KIF17: variants seen among roughly 807,000 people sequenced by gnomAD.
KIF17 encodes the protein kinesin-like protein KIF17.
KIF17 carries 80 observed loss-of-function variants against 96.8 expected under a neutral mutation model. The ratio of observed to expected loss-of-function variants is 0.83; its 90% CI spans 0.69 to 1.00. The LOEUF (loss-of-function observed/expected upper bound fraction) is 1.00. KIF17 is among the 50% of genes least tolerant of loss of function. The pLI is 0.00. For synonymous variants in KIF17, 567 were observed against 587.5 expected (o/e 0.97, Z 0.51); for missense variants, 1,280 against 1,372.9 (o/e 0.93, Z 1.07).
chr1:20,667,250 G>T (rs1207285060), intron 13 of KIF17, among the ~76,000 whole-genome samples: 2 of 152,132 alleles, frequency 1.3e-5, no homozygotes, highest in African/African-American at 2.4e-5. Context: ...GGTGGCATTA[G>T]ATTCTCATAG....
chr1:20,670,806 G>A (rs1178282347), intron 12 of KIF17, among the ~76,000 whole-genome samples: 1 of 152,122 alleles, frequency 6.6e-6, no homozygotes, highest in Non-Finnish European at 1.5e-5. Flanking sequence ...CAGCAGGGAT[G>A]GTGTCAATAA....
At chr1:20,677,748 C>T (rs953464832) in intron 11 of KIF17, among the ~76,000 whole-genome samples, 4 of 152,108 alleles carry the variant, frequency 2.6e-5, no homozygotes, top group Admixed American at 6.5e-5. Context: ...CCCAGCTACT[C>T]GGGAGGCTGA....
At chr1:20,675,425 G>A (rs1323591004) in intron 11 of KIF17, among the ~76,000 whole-genome samples, 2 of 150,226 alleles carry the variant, frequency 1.3e-5, no homozygotes, top group Non-Finnish European at 3.0e-5. Context: ...TCCAGCCTGG[G>A]CGACAAAGCG....
intron 13 of KIF17, among the ~76,000 whole-genome samples, chr1:20,667,354 T>C (rs1443798100): frequency 6.6e-6 from 1 of 152,170 alleles, no homozygotes; most frequent in East Asian, 1.9e-4. Flanking sequence ...CTGTCTCCCA[T>C]TACCCCCACA....
intron 5 of KIF17, among the ~76,000 whole-genome samples, chr1:20,703,176 T>TGAATGGATGGAC (rs1553151980): frequency 1.2e-4 from 17 of 147,516 alleles, no homozygotes; most frequent in Admixed American, 3.4e-4. Context: ...GATGGATGGA[T>TGAATGGATGGAC]GAATGGATGG....
intron 3 of KIF17, among the ~76,000 whole-genome samples, chr1:20,711,475 A>G (rs1469007607): frequency 6.6e-6 from 1 of 152,218 alleles, no homozygotes; most frequent in Non-Finnish European, 1.5e-5. Context: ...GAGAGGCCAG[A>G]GCCGGGTCAC....
intron 13 of KIF17, among the ~76,000 whole-genome samples, chr1:20,669,550 A>AATG (rs1171696982): frequency 1.5e-5 from 2 of 135,002 alleles, no homozygotes; most frequent in African/African-American, 5.6e-5. Context: ...TAATAATAAT[A>AATG]ATAATAATAA....
chr1:20,715,736 G>A, intron 1 of KIF17, 97 bp from the exon 2 acceptor site: 1 of 1,431,850 alleles, frequency 7.0e-7, no homozygotes, highest in Non-Finnish European at 9.7e-7. Context: ...GCCCTTCCTG[G>A]TCCCCCCACC....
chr1:20,711,134 C>T (rs559240253), intron 3 of KIF17, among the ~76,000 whole-genome samples: 23 of 152,280 alleles, frequency 1.5e-4, no homozygotes, highest in Admixed American at 1.3e-4. Flanking sequence ...GGGATGATAA[C>T]TCCTATTTCT....
chr1:20,677,088 G>A (rs1263661668), intron 11 of KIF17, among the ~76,000 whole-genome samples: 1 of 152,206 alleles, frequency 6.6e-6, no homozygotes, highest in African/African-American at 2.4e-5. Context: ...GTGCATGCCT[G>A]TAGTCCCAGC....
chr1:20,705,587 A>G (rs931948169), intron 4 of KIF17, among the ~76,000 whole-genome samples: 3 of 152,222 alleles, frequency 2.0e-5, no homozygotes, highest in Admixed American at 2.0e-4. Flanking sequence ...CACGCTTTGA[A>G]GACAAAACAG....
chr1:20,669,897 A>C lies in KIF17; in HGVS notation c.2790+524T>G, dbSNP rs547709827. Among the ~76,000 whole-genome samples the C allele has an allele frequency of 2.0e-4, 29 of 145,710 alleles. No homozygotes were observed. The South Asian group carries it at 2.4e-3, about 12-fold the overall frequency. ...AAAAAAAAAAAAAAAAAAAAAAAAAAAAAAAAACAACCACCACCACCCATG... is the reference window on the plus strand; with the variant it reads ...AAAAAAAAAAAAAAAAAAAAAAAAACAAAAAAACAACCACCACCACCCATG... On this transcript the variant is annotated intron_variant, in intron 13 of 14. Coordinates refer to ENST00000400463, the MANE Select transcript of KIF17 (RefSeq NM_001122819.3).
intron 4 of KIF17, among the ~76,000 whole-genome samples, chr1:20,708,529 C>T (rs1038915469): frequency 6.6e-6 from 1 of 152,192 alleles, no homozygotes; most frequent in Non-Finnish European, 1.5e-5. Context: ...GAGGCCACCT[C>T]CTGCTCCACT....
chr1:20,683,528 A>G (rs1253632029), intron 10 of KIF17, among the ~76,000 whole-genome samples: 5 of 151,906 alleles, frequency 3.3e-5, no homozygotes, highest in African/African-American at 4.8e-5. Context: ...GATGGTGCAC[A>G]CCTGTAATCC....
chr1:20,687,932 T>C lies in KIF17; in HGVS notation c.1394A>G (p.Gln465Arg). The change falls in exon 8 of 15, where the codon CAG becomes CGG. Residue 465 changes from glutamine (Q) to arginine (R), a missense_variant. Coordinates refer to ENST00000400463, the MANE Select transcript of KIF17 (RefSeq NM_001122819.3). The surrounding 1 kb of genome is among the most constrained non-coding windows in gnomAD (Gnocchi z 4.4). ...CTCAGCCTTGTAGAGGACTCCCACC[T>C]GCAGGACAGCCTCTGCAAAATGGAG... ...NLRKETEAVL[Q>R]VGVLYKAEVM... 5.0e-6 allele frequency: 8 copies of C among 1,613,694 alleles called. No individual in the cohort carries two copies. Among genetic ancestry groups the C allele is most frequent in the Non-Finnish European group, 6.8e-6 (8 of 1,180,000 alleles).
At chr1:20,695,898 G>A (rs2054130194) in intron 6 of KIF17, among the ~76,000 whole-genome samples, 1 of 152,126 alleles carries the variant, frequency 6.6e-6, no homozygotes, top group African/African-American at 2.4e-5. Flanking sequence ...CACCCAGCAC[G>A]CGCTCACAAT....
intron 2 of KIF17, among the ~76,000 whole-genome samples, chr1:20,714,252 A>G (rs560422974): frequency 3.3e-5 from 5 of 151,806 alleles, no homozygotes; most frequent in Non-Finnish European, 5.9e-5. Flanking sequence ...GCGTGAACCC[A>G]GGAGGCGGAG....
At chr1:20,675,760 A>T (rs750277851) in intron 11 of KIF17, among the ~76,000 whole-genome samples, 9 of 152,242 alleles carry the variant, frequency 5.9e-5, no homozygotes, top group Non-Finnish European at 1.2e-4. Flanking sequence ...TTTGAGGAGT[A>T]CTGACCTCTC....
Position 20,684,830 on chromosome 1 carries a change from T to A in KIF17, c.2210A>T (p.Asp737Val). 1 of 1,586,914 alleles carries A rather than the reference T, an allele frequency of 6.3e-7. No homozygotes were observed. Among genetic ancestry groups the A allele is most frequent in the Non-Finnish European group, 8.6e-7 (1 of 1,166,924 alleles). Reference sequence around the variant, plus strand: ...TTACCGGGCCAGCACCTGCTGCTGGTCCACAACGGGCAGCGGGTCATCAGT... The same window carrying A: ...TTACCGGGCCAGCACCTGCTGCTGGACCACAACGGGCAGCGGGTCATCAGT... ...VLTDDPLPVV[D>V]QQQVLARLQL... Residue 737 changes from aspartate (D) to valine (V), a missense_variant, in exon 10 of 15, where the codon GAC becomes GTC. Coordinates refer to ENST00000400463, the MANE Select transcript of KIF17 (RefSeq NM_001122819.3).
Sources: gnomAD v4.1 joint callset for allele counts (sites outside exome capture counted in the v4.1 genomes callset) on GRCh38, gnomAD v4.1.1 for gene constraint, Gnocchi (gnomAD v3.1) non-coding constraint, MANE v1.5 for transcripts, NCBI Gene and HGNC (gene_info 2026-07-23, HGNC 2026-07-21) for gene names.